The following CSMD3 variants were observed in gnomAD, a reference collection of about 807,000 sequenced individuals.
CSMD3 encodes the protein CUB and Sushi multiple domains 3, also known as CUB and sushi domain-containing protein 3.
In CSMD3, 177 loss-of-function variants were observed where a neutral mutation model predicts 435.2. That is an observed-to-expected ratio of 0.41 (90% CI 0.36 to 0.46). The LOEUF (loss-of-function observed/expected upper bound fraction) is 0.46. Ranked by LOEUF, CSMD3 falls within the 20% of genes least tolerant of loss-of-function variation. The pLI is 0.34. For synonymous variants in CSMD3, 1,656 were observed against 1,520.5 expected (o/e 1.09, Z -2.07); for missense variants, 4,265 against 4,504.6 (o/e 0.95, Z 1.52).
intron 27 of CSMD3, among the ~76,000 whole-genome samples, chr8:112,532,507 GGCAGTAGACTTCTCA>G: frequency 6.6e-6 from 1 of 152,136 alleles, no homozygotes; most frequent in South Asian, 2.1e-4. Context: ...TGATACATTT[GGCAGTAGACTTCTCA>G]GCAAGCTATG....
intron 1 of CSMD3, 42 bp downstream of exon 1, chr8:113,436,635 C>T (rs2130148934): frequency 1.3e-6 from 2 of 1,587,168 alleles, no homozygotes; most frequent in Non-Finnish European, 1.7e-6. Context: ...CAAGTCAGCC[C>T]ACCTCCATCC....
At chr8:113,009,108 T>C (rs2086163673) in intron 6 of CSMD3, among the ~76,000 whole-genome samples, 1 of 151,816 alleles carries the variant, frequency 6.6e-6, no homozygotes, top group South Asian at 2.1e-4. Flanking sequence ...AATATTTATA[T>C]ATGTGTGTTA....
At chr8:112,633,533 T>C (rs1436929113) in intron 22 of CSMD3, among the ~76,000 whole-genome samples, 1 of 152,068 alleles carries the variant, frequency 6.6e-6, no homozygotes, top group Non-Finnish European at 1.5e-5. Flanking sequence ...TTTTCATAGA[T>C]GTAAATGGCC....
At chr8:112,751,290 T>A (rs1439917451) in intron 13 of CSMD3, among the ~76,000 whole-genome samples, 1 of 152,030 alleles carries the variant, frequency 6.6e-6, no homozygotes, top group Non-Finnish European at 1.5e-5. Flanking sequence ...TCCTCTGACA[T>A]CCTACAACCT....
chr8:112,451,830 G>A (rs751440117), intron 32 of CSMD3, among the ~76,000 whole-genome samples: 5 of 152,110 alleles, frequency 3.3e-5, no homozygotes, highest in African/African-American at 9.7e-5. Flanking sequence ...GAGCCACAGC[G>A]CCTGGCCCCA....
At position 112,396,035 on chromosome 8, in the gene CSMD3, T is replaced by C. The variant is rs141498235; in HGVS notation, c.5810-5247A>G. Among the ~76,000 whole-genome samples, 194 of 152,334 alleles carry C rather than the reference T, an allele frequency of 1.3e-3. 1 individual carries two copies. Among genetic ancestry groups the C allele is most frequent in the African/African-American group, 4.6e-3 (191 of 41,582 alleles). On this transcript the variant is annotated intron_variant, in intron 35 of 70. Coordinates refer to ENST00000297405, the MANE Select transcript of CSMD3 (RefSeq NM_198123.2). ...ATTTAGTATTTGACCATTTTAACTA[T>C]AAGCACAACTCACATATCATGTCTT... is the stretch of plus-strand genomic sequence containing the variant.
chr8:112,494,444 C>G (rs1821028511), intron 30 of CSMD3, among the ~76,000 whole-genome samples: 1 of 142,190 alleles, frequency 7.0e-6, no homozygotes, highest in East Asian at 2.0e-4. Flanking sequence ...TCTTTGTTTT[C>G]TTTTGTTTCT....
chr8:112,596,010 TAAC>T (rs1314212900), intron 22 of CSMD3, among the ~76,000 whole-genome samples: 6 of 145,666 alleles, frequency 4.1e-5, no homozygotes, highest in African/African-American at 1.5e-4. Flanking sequence ...AATTCACACA[TAAC>T]AATATTAACT....
chr8:112,724,073 A>G (rs1276588557), intron 13 of CSMD3, among the ~76,000 whole-genome samples: 1 of 152,094 alleles, frequency 6.6e-6, no homozygotes, highest in African/African-American at 2.4e-5. Flanking sequence ...ATTAGAAGGT[A>G]ATAAGTGCTA....
intron 35 of CSMD3, among the ~76,000 whole-genome samples, chr8:112,398,920 C>CT (rs201965219): frequency 0.023 from 3,285 of 143,858 alleles, 105 homozygotes; most frequent in African/African-American, 0.074. Flanking sequence ...TGATTAAACT[C>CT]TTTTTTTTTT....
At chr8:112,324,589 G>T (rs1038825831) in intron 45 of CSMD3, among the ~76,000 whole-genome samples, 2 of 151,732 alleles carry the variant, frequency 1.3e-5, no homozygotes, top group South Asian at 4.2e-4. Context: ...GTGGGTGTGT[G>T]TGTGTGTGTG....
chr8:112,289,671 T>C, intron 56 of CSMD3, 133 bp from the exon 57 acceptor site: 1 of 610,314 alleles, frequency 1.6e-6, no homozygotes, highest in Admixed American at 3.1e-5. Flanking sequence ...ATCAAACATC[T>C]ATGTTGAAGG....
chr8:112,515,334 T>C (rs763560400), intron 28 of CSMD3, among the ~76,000 whole-genome samples: 2 of 152,132 alleles, frequency 1.3e-5, no homozygotes, highest in Non-Finnish European at 2.9e-5. Flanking sequence ...TAATTTATTC[T>C]TTACATAAAT....
intron 1 of CSMD3, among the ~76,000 whole-genome samples, chr8:113,367,339 G>A (rs1475107512): frequency 6.6e-6 from 1 of 151,704 alleles, no homozygotes; most frequent in East Asian, 1.9e-4. Flanking sequence ...AACCTATTAT[G>A]AAGAAAGTAA....
intron 38 of CSMD3, among the ~76,000 whole-genome samples, chr8:112,372,152 C>A (rs1828459868): frequency 6.6e-6 from 1 of 151,600 alleles, no homozygotes; most frequent in South Asian, 2.1e-4. Flanking sequence ...AGTCTTATAG[C>A]CAGAAAAAAG....
chr8:113,228,089 T>C (rs1031868630), intron 3 of CSMD3, among the ~76,000 whole-genome samples: 9 of 151,638 alleles, frequency 5.9e-5, no homozygotes, highest in Non-Finnish European at 1.2e-4. Context: ...TATTTTTATG[T>C]TGGTTGTTAA....
At chr8:113,190,625 T>C (rs2092570643) in intron 3 of CSMD3, among the ~76,000 whole-genome samples, 1 of 151,726 alleles carries the variant, frequency 6.6e-6, no homozygotes, top group Non-Finnish European at 1.5e-5. Context: ...CATATGTCTA[T>C]GACGATGTTT....
chr8:112,581,512 C>A (rs942546064), intron 23 of CSMD3, among the ~76,000 whole-genome samples: 15 of 151,886 alleles, frequency 9.9e-5, no homozygotes, highest in Non-Finnish European at 2.9e-5. Context: ...AATATATTCA[C>A]TTTTATTAGA....
At chr8:113,372,413 A>G (rs1007045588) in intron 1 of CSMD3, among the ~76,000 whole-genome samples, 3 of 152,168 alleles carry the variant, frequency 2.0e-5, no homozygotes, top group African/African-American at 7.2e-5. Context: ...TTTGATTTCT[A>G]CATACATAAG....
Sources: allele counts gnomAD v4.1 joint callset (sites outside exome capture counted in the v4.1 genomes callset), GRCh38; gene constraint gnomAD v4.1.1; transcripts MANE v1.5; gene names NCBI Gene and HGNC (gene_info 2026-07-23, HGNC 2026-07-21).